Variants in APBB1IP observed in about 807,000 individuals in gnomAD.
The protein encoded by APBB1IP is amyloid beta A4 precursor protein-binding family B member 1-interacting protein.
In APBB1IP, 27 loss-of-function variants were observed where a neutral mutation model predicts 64.9. The observed-to-expected ratio is 0.42, with a 90% CI of 0.31 to 0.57. APBB1IP has a LOEUF of 0.57. Ranked by LOEUF, APBB1IP falls within the 20% of genes least tolerant of loss-of-function variation. APBB1IP has a pLI of 0.20. For synonymous variants in APBB1IP, 392 were observed against 331.0 expected, an observed-to-expected ratio of 1.18 and a Z score of -2.00; for missense variants, 812 against 845.5, an observed-to-expected ratio of 0.96 and a Z score of 0.49.
intron 8 of APBB1IP, among the ~76,000 whole-genome samples, chr10:26,530,486 T>G (rs1218206643): frequency 6.6e-6 from 1 of 151,912 alleles, no homozygotes; most frequent in South Asian, 2.1e-4. Context: ...GGTCAGGAGA[T>G]CGAGACCATC....
In APBB1IP at chr10:26,560,395, A is replaced by G. The variant is rs557673345; in HGVS notation, c.1254+192A>G. Among the ~76,000 whole-genome samples, 10 of 152,288 alleles carry G rather than the reference A, an allele frequency of 6.6e-5. No individual in the cohort carries two copies. The South Asian group carries it at 2.1e-3, about 32-fold the overall frequency. ...AAACACGAACCTCTCCAGTAACCGGATATTTACTCATGGCGAGTATTGCAA... is the reference window on the plus strand; with the variant it reads ...AAACACGAACCTCTCCAGTAACCGGGTATTTACTCATGGCGAGTATTGCAA... On this transcript the variant is annotated intron_variant, in intron 12 of 14. Transcript: ENST00000376236.
intron 14 of APBB1IP, among the ~76,000 whole-genome samples, chr10:26,566,582 A>T (rs997464447): frequency 1.4e-4 from 21 of 152,166 alleles, no homozygotes; most frequent in Admixed American, 7.2e-4. Context: ...AAAAATGATT[A>T]TTTTTAATTT....
At chr10:26,508,583 G>GCTAAATCACATAACTGTGATTTAGCTTA (rs560525431) in intron 6 of APBB1IP, among the ~76,000 whole-genome samples, 147 of 151,966 alleles carry the variant, frequency 9.7e-4, no homozygotes, top group East Asian at 9.1e-3. Context: ...TATTTAGCTT[G>GCTAAATCACATAACTGTGATTTAGCTTA]CTAAATCACA....
chr10:26,518,297 G>T (rs936247345), intron 8 of APBB1IP, among the ~76,000 whole-genome samples: 3 of 150,558 alleles, frequency 2.0e-5, no homozygotes, highest in African/African-American at 7.3e-5. Context: ...ACCCAGGCTG[G>T]AATGCAGTGA....
intron 2 of APBB1IP, among the ~76,000 whole-genome samples, chr10:26,445,824 A>G (rs1458577084): frequency 6.6e-6 from 1 of 152,238 alleles, no homozygotes; most frequent in Non-Finnish European, 1.5e-5. Context: ...AGAATGCTGG[A>G]CAACACTGTT....
intron 2 of APBB1IP, among the ~76,000 whole-genome samples, chr10:26,490,541 C>A (rs554524181): frequency 6.6e-6 from 1 of 152,246 alleles, no homozygotes; most frequent in East Asian, 1.9e-4. Flanking sequence ...ACGAGAGTTG[C>A]TTTAGCCCAG....
intron 2 of APBB1IP, among the ~76,000 whole-genome samples, chr10:26,476,212 C>T (rs1488602786): frequency 6.6e-6 from 1 of 151,950 alleles, no homozygotes; most frequent in African/African-American, 2.4e-5. Flanking sequence ...ATGCCCGCCA[C>T]CACGCCTGGC....
rs771299084 is a variant in APBB1IP, at chr10:26,492,284, G to A, written c.1-43G>A. 14 of 1,566,550 alleles carry A rather than the reference G, an allele frequency of 8.9e-6. No individual in the cohort carries two copies. In the East Asian group the frequency reaches 3.1e-4, roughly 35 times the overall value. ...GATGCAAAGAGTATCCTAGGATCAG[G>A]CTTTTATGAGACTGCTAATATCTCA... On this transcript the variant is annotated intron_variant, in intron 2 of 14. Transcript: ENST00000376236.
rs371232791 is a variant in APBB1IP, at chr10:26,545,865, G to A, written c.1155+4173G>A. ...CTCAGGAGGCTGAGGTACGAGAATC[G>A]CTTGAACCCCGGGAGGTGGAGGTTG... On this transcript the variant is annotated intron_variant, in intron 11 of 14. Coordinates refer to ENST00000376236, the MANE Select transcript of APBB1IP (RefSeq NM_019043.4). 2.4e-4 allele frequency among the ~76,000 whole-genome samples: 36 copies of A among 152,002 alleles called. 3 individuals are homozygous for A. Among genetic ancestry groups the A allele is most frequent in the African/African-American group, 8.4e-4 (35 of 41,434 alleles).
In APBB1IP at chr10:26,472,102, G is replaced by A. The variant is rs181386894; in HGVS notation, c.1-20225G>A. Among the ~76,000 whole-genome samples, 344 of 152,194 alleles carry A rather than the reference G, an allele frequency of 2.3e-3. 2 individuals are homozygous for A. Among genetic ancestry groups the A allele is most frequent in the African/African-American group, 7.6e-3 (315 of 41,512 alleles). ...GTTGACCAAGATGGGTGGGGGCTGC[G>A]GGGGGAAGAAAAACAGAAAATCCCT... On this transcript the variant is annotated intron_variant, in intron 2 of 14. Coordinates refer to ENST00000376236, the MANE Select transcript of APBB1IP (RefSeq NM_019043.4).
intron 2 of APBB1IP, among the ~76,000 whole-genome samples, chr10:26,487,359 G>T (rs1835904992): frequency 6.6e-6 from 1 of 152,008 alleles, no homozygotes; most frequent in African/African-American, 2.4e-5. Flanking sequence ...TCAATAATAA[G>T]GTTTTCTTGC....
At chr10:26,551,371 G>T (rs561269759) in intron 11 of APBB1IP, among the ~76,000 whole-genome samples, 17 of 152,284 alleles carry the variant, frequency 1.1e-4, no homozygotes, top group Middle Eastern at 3.4e-3. Context: ...TGGCTCAGGG[G>T]AGGGGCAACA....
chr10:26,487,370 A>G (rs913787251), intron 2 of APBB1IP, among the ~76,000 whole-genome samples: 4 of 152,178 alleles, frequency 2.6e-5, no homozygotes, highest in Admixed American at 2.6e-4. Context: ...GTTTTCTTGC[A>G]GGGAGGTCAA....
chr10:26,546,967 C>T (rs944178423), intron 11 of APBB1IP, among the ~76,000 whole-genome samples: 6 of 152,170 alleles, frequency 3.9e-5, no homozygotes, highest in African/African-American at 1.2e-4. Flanking sequence ...TTTGAGGCAC[C>T]TCCATACTGT....
chr10:26,547,395 C>T (rs777177558), intron 11 of APBB1IP, among the ~76,000 whole-genome samples: 2 of 151,814 alleles, frequency 1.3e-5, no homozygotes, highest in Admixed American at 6.6e-5. Flanking sequence ...GCAGATTCAC[C>T]GTTTTGGGTC....
intron 2 of APBB1IP, among the ~76,000 whole-genome samples, chr10:26,482,127 C>A (rs958414758): frequency 6.6e-6 from 1 of 152,078 alleles, no homozygotes; most frequent in African/African-American, 2.4e-5. Flanking sequence ...GATCATATGA[C>A]CACAGTCATT....
Position 26,511,166 on chromosome 10 carries a change from C to T in APBB1IP, c.532-581C>T, listed in dbSNP as rs563911524. On this transcript the variant is annotated intron_variant, in intron 6 of 14. Coordinates refer to ENST00000376236, the MANE Select transcript of APBB1IP (RefSeq NM_019043.4). The stretch of plus-strand genomic sequence containing the variant: ...GACCAGCCTGGCTAACATGGTGAAA[C>T]GCCATCTCCACTGGAAAAAGAAAAA... Among the ~76,000 whole-genome samples, 18 of 152,088 alleles carry T rather than the reference C, an allele frequency of 1.2e-4. No homozygotes were observed. In the South Asian group the frequency reaches 1.7e-3, roughly 14 times the overall value.
Position 26,501,055 on chromosome 10 carries a change from G to A in APBB1IP, c.397G>A (p.Ala133Thr), listed in dbSNP as rs1177317010. 1 of 1,614,016 alleles carries A rather than the reference G, an allele frequency of 6.2e-7. No individual in the cohort carries two copies. The highest frequency in any genetic ancestry group is 8.5e-7 in the Non-Finnish European group (1 of 1,180,022). ...QYEDDLPPPPADPVLDLPLPP... is the reference protein window; with the variant it reads ...QYEDDLPPPPTDPVLDLPLPP... ...TGAGGATGACTTACCACCTCCACCA[G>A]CCGATCCTGTGTTAGACCTTCCACT... Residue 133 changes from alanine (A) to threonine (T), a missense_variant, in exon 5 of 15, where the codon GCC becomes ACC. By Grantham distance (58) the Ala-to-Thr change is moderately conservative. Transcript: ENST00000376236.
chr10:26,475,022 C>A (rs1835759205), intron 2 of APBB1IP, among the ~76,000 whole-genome samples: 1 of 152,250 alleles, frequency 6.6e-6, no homozygotes, highest in African/African-American at 2.4e-5. Context: ...ATGTAACAGA[C>A]ACCTCCCTCC....
Sources: allele counts gnomAD v4.1 joint callset (sites outside exome capture counted in the v4.1 genomes callset), GRCh38; gene constraint gnomAD v4.1.1; transcripts MANE v1.5; gene names NCBI Gene and HGNC (gene_info 2026-07-23, HGNC 2026-07-21).